SNRPG: variants seen among roughly 807,000 people sequenced by gnomAD.
The protein encoded by SNRPG is small nuclear ribonucleoprotein polypeptide G.
In SNRPG, 3 loss-of-function variants were observed where a neutral mutation model predicts 13.9. That is an observed-to-expected ratio of 0.22 (90% CI 0.10 to 0.56). The LOEUF is 0.56. Among genes scored for constraint, SNRPG ranks in the 20% least tolerant of loss-of-function variants. The probability of loss-of-function intolerance (pLI) is 0.93; values close to 1 mark genes in which losing one functional copy is unlikely to be tolerated. For missense variants in SNRPG, 34 were observed against 96.1 expected (o/e 0.35, Z 2.70); for synonymous variants, 29 against 29.3 (o/e 0.99, Z 0.03).
intron 1 of SNRPG, chr2:70,293,041 T>C (rs957670147): frequency 1.0e-4 from 62 of 618,972 alleles, no homozygotes; most frequent in Non-Finnish European, 1.6e-4. Flanking sequence ...GAAAAATGAA[T>C]GTTCTTATAT....
intron 3 of SNRPG, 78 bp downstream of exon 3, chr2:70,287,990 G>A: frequency 7.3e-7 from 1 of 1,367,726 alleles, no homozygotes; most frequent in Non-Finnish European, 1.0e-6. Context: ...CATTTCTGGG[G>A]GTTACTAACC....
intron 1 of SNRPG, among the ~76,000 whole-genome samples, chr2:70,292,358 A>C (rs1469759309): frequency 6.6e-6 from 1 of 150,564 alleles, no homozygotes; most frequent in African/African-American, 2.4e-5. Flanking sequence ...AAATATTATT[A>C]TTTTTTGAAA....
At chr2:70,293,468 G>T (rs547955385) in intron 1 of SNRPG, 150 bp downstream of exon 1, 1 of 779,936 alleles carries the variant, frequency 1.3e-6, no homozygotes, top group Non-Finnish European at 2.3e-6. Flanking sequence ...CGTCTCATGC[G>T]CGGGAGCCTG....
intron 1 of SNRPG, among the ~76,000 whole-genome samples, 157 bp from the exon 2 acceptor site, chr2:70,289,529 G>A (rs17581778): frequency 0.061 from 9,331 of 152,192 alleles, 362 homozygotes; most frequent in East Asian, 0.18. Context: ...AAGAGTGAGG[G>A]AGTAGGGCGA....
intron 1 of SNRPG, among the ~76,000 whole-genome samples, chr2:70,290,977 C>CTCCAG (rs1697075178): frequency 1.3e-5 from 2 of 149,652 alleles, no homozygotes; most frequent in Admixed American, 1.3e-4. Flanking sequence ...CGCCACTGCA[C>CTCCAG]TCCAGCCTGG....
chr2:70,292,441 G>A (rs1250842701), intron 1 of SNRPG, among the ~76,000 whole-genome samples: 3 of 152,140 alleles, frequency 2.0e-5, no homozygotes, highest in African/African-American at 4.8e-5. Flanking sequence ...TCCGCTTCCC[G>A]GGTTCAAGCG....
intron 3 of SNRPG, among the ~76,000 whole-genome samples, chr2:70,283,569 T>C (rs1696867544): frequency 1.1e-4 from 16 of 152,202 alleles, no homozygotes; most frequent in Admixed American, 1.0e-3. Context: ...GGCAGGGACT[T>C]AGGTGCAAAA....
At chr2:70,284,313 C>T (rs1463382737) in intron 3 of SNRPG, among the ~76,000 whole-genome samples, 1 of 152,052 alleles carries the variant, frequency 6.6e-6, no homozygotes, top group African/African-American at 2.4e-5. Context: ...ACTATAGGCG[C>T]ACATCACCAT....
chr2:70,293,390 C>T (rs906540893), intron 1 of SNRPG: 9 of 629,110 alleles, frequency 1.4e-5, no homozygotes, highest in Non-Finnish European at 2.3e-5. Context: ...GGAGACTAGT[C>T]GGCCGGAAGG....
At chr2:70,285,603 A>C (rs73939159) in intron 3 of SNRPG, among the ~76,000 whole-genome samples, 10,421 of 151,938 alleles carry the variant, frequency 0.069, 1,111 homozygotes, top group African/African-American at 0.23. Flanking sequence ...CACACACAGA[A>C]ATTTGTGCAT....
chr2:70,287,884 A>C, intron 3 of SNRPG, 184 bp downstream of exon 3: 1 of 611,892 alleles, frequency 1.6e-6, no homozygotes, highest in South Asian at 2.0e-5. Context: ...TATAGTTGAG[A>C]TCTTACCTAC....
intron 2 of SNRPG, among the ~76,000 whole-genome samples, chr2:70,288,538 G>A (rs1177955411): frequency 1.3e-5 from 2 of 152,016 alleles, no homozygotes; most frequent in African/African-American, 2.4e-5. Context: ...GGGGATTATA[G>A]GTGTAAACCA....
In SNRPG at chr2:70,293,194, G is replaced by T. The variant is rs1383433191; in HGVS notation, c.32+424C>A. On this transcript the variant is annotated intron_variant, in intron 1 of 3. Coordinates refer to ENST00000272348, the MANE Select transcript of SNRPG (RefSeq NM_003096.4). ...ACTAAAGTGGCTTTCGGATTCTGATGCCTCACGTAGTTTTAAAAACACTTC... is the reference window on the plus strand; with the variant it reads ...ACTAAAGTGGCTTTCGGATTCTGATTCCTCACGTAGTTTTAAAAACACTTC... 7.1e-6 allele frequency: 5 copies of T among 702,424 alleles called. No homozygotes were observed. In the Admixed American group the frequency reaches 8.0e-5, roughly 11 times the overall value. 43.5% of individuals were successfully genotyped at this position (702,424 alleles called of 1,614,324 possible). A position where few individuals can be genotyped will look rare whatever the true frequency, so the allele number is the denominator to read the frequency against.
chr2:70,291,014 A>AACACACACACAC lies in SNRPG; in HGVS notation c.33-1654_33-1643dup, dbSNP rs56202448. ...CAATAAGAGTGAAACTCCATCTCAA[A>AACACACACACAC]ACACACACACACACACACACACACA... is the stretch of plus-strand genomic sequence containing the variant. On this transcript the variant is annotated intron_variant, in intron 1 of 3. Transcript: ENST00000272348. Among the ~76,000 whole-genome samples the AACACACACACAC allele has an allele frequency of 5.6e-3, 750 of 133,622 alleles. 3 individuals carry two copies. Among genetic ancestry groups the AACACACACACAC allele is most frequent in the South Asian group, 9.3e-3 (36 of 3,872 alleles). 87.7% of individuals were successfully genotyped at this position (133,622 alleles called of 152,430 possible).
In SNRPG at chr2:70,283,096, C is replaced by CAAAAAAAAAA. The variant is rs57862220; in HGVS notation, c.181-1422_181-1413dup. Reference sequence around the variant, plus strand: ...GGCAACGAGCGAAACTGTCTTTTGTCAAAAAAAAAAAAAAAAAAAAAAAAA... The same window carrying CAAAAAAAAAA: ...GGCAACGAGCGAAACTGTCTTTTGTCAAAAAAAAAAAAAAAAAAAAAAAAAAAAAAAAAAA... On this transcript the variant is annotated intron_variant, in intron 3 of 3. Coordinates refer to ENST00000272348, the MANE Select transcript of SNRPG (RefSeq NM_003096.4). Among the ~76,000 whole-genome samples, 33 of 14,012 alleles carry CAAAAAAAAAA rather than the reference C, an allele frequency of 2.4e-3. 5 individuals carry two copies. Among genetic ancestry groups the CAAAAAAAAAA allele is most frequent in the East Asian group, 7.0e-3 (5 of 712 alleles). The allele number at this position is 14,012 out of a possible 152,430, so 9.2% of individuals were successfully genotyped here. A position where few individuals can be genotyped will look rare whatever the true frequency, so the allele number is the denominator to read the frequency against.
intron 1 of SNRPG, among the ~76,000 whole-genome samples, chr2:70,289,889 G>A (rs917759571): frequency 2.0e-5 from 3 of 151,924 alleles, no homozygotes; most frequent in African/African-American, 4.8e-5. Flanking sequence ...AAGAGGAAAG[G>A]CAATAAAAAT....
At chr2:70,283,601 C>A (rs201161897) in intron 3 of SNRPG, among the ~76,000 whole-genome samples, 1 of 152,122 alleles carries the variant, frequency 6.6e-6, no homozygotes, top group Non-Finnish European at 1.5e-5. Context: ...AAAATAGTAG[C>A]AGGCACACAG....
At chr2:70,287,457 A>G (rs1399153767) in intron 3 of SNRPG, 2 of 655,896 alleles carry the variant, frequency 3.0e-6, no homozygotes. Flanking sequence ...TGAATGTAGG[A>G]ATGTTTAATC....
At position 70,288,988 on chromosome 2, in the gene SNRPG, T is replaced by C. The variant is rs576146720; in HGVS notation, c.55+362A>G. 4.3e-4 allele frequency among the ~76,000 whole-genome samples: 65 copies of C among 152,336 alleles called. 1 individual carries two copies. The highest frequency in any genetic ancestry group is 4.4e-5 in the Non-Finnish European group (3 of 68,026). Reference sequence around the variant, plus strand: ...TTTTTTGAGACGGAGTCTAGCTCTATAGCCCAGGCTGGAGTGCAGTACCGC... The same window carrying C: ...TTTTTTGAGACGGAGTCTAGCTCTACAGCCCAGGCTGGAGTGCAGTACCGC... On this transcript the variant is annotated intron_variant, in intron 2 of 3. Coordinates refer to ENST00000272348, the MANE Select transcript of SNRPG (RefSeq NM_003096.4).
Sources: gnomAD v4.1 joint callset for allele counts (sites outside exome capture counted in the v4.1 genomes callset) on GRCh38, gnomAD v4.1.1 for gene constraint, MANE v1.5 for transcripts, NCBI Gene and HGNC (gene_info 2026-07-23, HGNC 2026-07-21) for gene names.